Variants in CNOT10 observed in about 807,000 individuals in gnomAD.
The protein encoded by CNOT10 is CCR4-NOT transcription complex subunit 10.
A neutral mutation model predicts 94.6 loss-of-function variants in CNOT10; 30 were observed. The observed-to-expected ratio is 0.32, with a 90% CI of 0.24 to 0.43. The LOEUF (loss-of-function observed/expected upper bound fraction) is 0.43. CNOT10 is among the 20% of genes least tolerant of loss of function. The pLI is 1.00. For missense variants in CNOT10, 759 were observed against 877.2 expected (o/e 0.87, Z 1.70); for synonymous variants, 289 against 301.6 (o/e 0.96, Z 0.43).
intron 18 of CNOT10, among the ~76,000 whole-genome samples, chr3:32,770,317 ATTTTTTTTTTTTTTTTTT>A (rs57427218): frequency 2.2e-5 from 1 of 46,280 alleles, no homozygotes; most frequent in South Asian, 8.8e-4. Context: ...CAAGGCTGAG[ATTTTTTTTTTTTTTTTTT>A]TTTTTTTTGA....
chr3:32,690,539 T>C (rs111577021), intron 1 of CNOT10, among the ~76,000 whole-genome samples: 9,270 of 149,388 alleles, frequency 0.062, 327 homozygotes, highest in African/African-American at 0.094. Context: ...TGTGTACTAC[T>C]GTATCCAGAT....
At chr3:32,721,454 T>TTA (rs1553632721) in intron 8 of CNOT10, among the ~76,000 whole-genome samples, 1 of 144,614 alleles carries the variant, frequency 6.9e-6, no homozygotes, top group East Asian at 2.0e-4. Context: ...TTTTTTTTTT[T>TTA]AGTGAATTAC....
chr3:32,727,092 G>A (rs945368339), intron 9 of CNOT10, among the ~76,000 whole-genome samples: 33 of 151,874 alleles, frequency 2.2e-4, no homozygotes, highest in African/African-American at 8.0e-4. Context: ...TGATCTGCCC[G>A]CCTTGGCCTC....
rs759851156 is a variant in CNOT10, at chr3:32,734,915, G to A, written c.1453G>A (p.Ala485Thr). The A allele has an allele frequency of 6.2e-7, 1 of 1,614,066 alleles. No homozygotes were observed. The highest frequency in any genetic ancestry group is 2.2e-5 in the East Asian group (1 of 44,864). ...EQQDPKQENG[A>T]KNSNQLGGNT... ...GCAAGATCCAAAGCAGGAAAATGGG[G>A]CTAAAAATAGTAATCAATTAGGTGG... The change falls in exon 12 of 19, where the codon GCT (alanine) becomes ACT (threonine). Residue 485 changes from alanine to threonine, a missense_variant. Coordinates refer to ENST00000328834, the MANE Select transcript of CNOT10 (RefSeq NM_015442.3).
chr3:32,725,588 G>A lies in CNOT10; in HGVS notation c.1001G>A (p.Ser334Asn). ...GTCTGTGCACAGCTCAGTGCAGGTAGCACTGATCCAGGTAAGCCCAGTACT... is the reference window on the plus strand; with the variant it reads ...GTCTGTGCACAGCTCAGTGCAGGTAACACTGATCCAGGTAAGCCCAGTACT... ...DNVCAQLSAG[S>N]TDPGKKFSGR... is the part of the protein sequence containing the mutation. The change falls in exon 9 of 19, where the codon AGC becomes AAC. Residue 334 changes from serine (S) to asparagine (N), a missense_variant. Transcript: ENST00000328834. 1 of 1,612,020 alleles carries A rather than the reference G, an allele frequency of 6.2e-7. No homozygotes were observed. The highest frequency in any genetic ancestry group is 8.5e-7 in the Non-Finnish European group (1 of 1,179,260).
intron 8 of CNOT10, among the ~76,000 whole-genome samples, chr3:32,722,969 T>G (rs578154562): frequency 6.6e-6 from 1 of 152,248 alleles, no homozygotes; most frequent in Admixed American, 6.5e-5. Flanking sequence ...TTTAAAAATA[T>G]GTCAGAAGAT....
chr3:32,729,486 G>A (rs1698837691), intron 10 of CNOT10, among the ~76,000 whole-genome samples: 5 of 152,114 alleles, frequency 3.3e-5, no homozygotes, highest in Admixed American at 2.0e-4. Flanking sequence ...TACCTTGCAT[G>A]CCTACCATAG....
intron 13 of CNOT10, among the ~76,000 whole-genome samples, chr3:32,748,633 C>G (rs1480051719): frequency 6.6e-6 from 1 of 151,962 alleles, no homozygotes; most frequent in Non-Finnish European, 1.5e-5. Flanking sequence ...CTGCCTCAGC[C>G]TCCCGAGTAG....
At chr3:32,723,427 A>G (rs1698513384) in intron 8 of CNOT10, among the ~76,000 whole-genome samples, 2 of 152,156 alleles carry the variant, frequency 1.3e-5, no homozygotes, top group East Asian at 1.9e-4. Context: ...ATTAAAGCTT[A>G]GATTACTTTC....
chr3:32,764,551 T>G (rs1700584983), intron 16 of CNOT10, 61 bp downstream of exon 16: 1 of 1,605,440 alleles, frequency 6.2e-7, no homozygotes, highest in South Asian at 1.1e-5. Context: ...ATTTAGATTC[T>G]AAATCTTCTG....
chr3:32,716,207 T>C lies in CNOT10; in HGVS notation c.574-18T>C, dbSNP rs371789502. 5.6e-5 allele frequency: 75 copies of C among 1,347,092 alleles called. No individual in the cohort carries two copies. The Middle Eastern group carries it at 5.7e-4, about 10-fold the overall frequency. The allele number at this position is 1,347,092 out of a possible 1,614,324, so 83.4% of individuals were successfully genotyped here. On this transcript the variant is annotated intron_variant, in intron 5 of 18. Transcript: ENST00000328834. Reference sequence around the variant, plus strand: ...AAAAATATTTAATTTTGATAAACTTTGTTTCATCACCCTACAGACTGGTAA... The same window carrying C: ...AAAAATATTTAATTTTGATAAACTTCGTTTCATCACCCTACAGACTGGTAA...
At chr3:32,772,860 G>A (rs996066263) in intron 18 of CNOT10, among the ~76,000 whole-genome samples, 4 of 151,924 alleles carry the variant, frequency 2.6e-5, no homozygotes, top group African/African-American at 4.8e-5. Context: ...GCCCTAGATT[G>A]TTTCATTGTT....
intron 13 of CNOT10, among the ~76,000 whole-genome samples, chr3:32,741,240 G>A (rs1376946729): frequency 6.6e-6 from 1 of 152,116 alleles, no homozygotes; most frequent in African/African-American, 2.4e-5. Context: ...AGTTTGCTGA[G>A]TAAATCAATT....
At chr3:32,731,800 C>G (rs79490895) in intron 10 of CNOT10, among the ~76,000 whole-genome samples, 138 of 152,092 alleles carry the variant, frequency 9.1e-4, no homozygotes, top group African/African-American at 2.9e-3. Context: ...TAGATTTGGC[C>G]TAGAGCAGTG....
chr3:32,757,756 T>G (rs1016760261), intron 13 of CNOT10, among the ~76,000 whole-genome samples: 5 of 152,140 alleles, frequency 3.3e-5, no homozygotes, highest in African/African-American at 1.2e-4. Context: ...GGGTTCATTG[T>G]AGGGACTGTG....
chr3:32,694,568 G>GT (rs570573904), intron 1 of CNOT10, among the ~76,000 whole-genome samples: 58 of 152,100 alleles, frequency 3.8e-4, no homozygotes, highest in Middle Eastern at 3.4e-3. Flanking sequence ...TGCTGATATT[G>GT]TTTTTTCTTC....
In CNOT10 at chr3:32,761,828, A is replaced by G. The variant is rs569640121; in HGVS notation, c.1710-905A>G. Among the ~76,000 whole-genome samples, 106 of 148,192 alleles carry G rather than the reference A, an allele frequency of 7.2e-4. 1 individual carries two copies. The highest frequency in any genetic ancestry group is 2.5e-3 in the African/African-American group (100 of 40,136). On this transcript the variant is annotated intron_variant, in intron 14 of 18. Transcript: ENST00000328834. ...GCTCTTATTGCCCAGGCTGGAGTGC[A>G]ATGGCGTGATCTCGGCTCATCACAG...
rs192499586 is a variant in CNOT10 at position 32,688,943 on chromosome 3, C to T, written c.22+3461C>T. On this transcript the variant is annotated intron_variant, in intron 1 of 18. Coordinates refer to ENST00000328834, the MANE Select transcript of CNOT10 (RefSeq NM_015442.3). ...ATAAAAGGCCGGACGTGGTGGCTCA[C>T]GCCTGTAATCCCAGCACTTTGGGAG... is the stretch of plus-strand genomic sequence containing the variant. Among the ~76,000 whole-genome samples, 60 of 152,260 alleles carry T rather than the reference C, an allele frequency of 3.9e-4. 2 individuals carry two copies. Among genetic ancestry groups the T allele is most frequent in the Admixed American group, 2.9e-3 (45 of 15,288 alleles).
At chr3:32,749,657 G>A (rs915643695) in intron 13 of CNOT10, among the ~76,000 whole-genome samples, 4 of 152,014 alleles carry the variant, frequency 2.6e-5, no homozygotes, top group South Asian at 2.1e-4. Context: ...TGATCTGCCT[G>A]CCTCGGCCTC....
Sources: gnomAD v4.1 joint callset for allele counts (sites outside exome capture counted in the v4.1 genomes callset) on GRCh38, gnomAD v4.1.1 for gene constraint, MANE v1.5 for transcripts, NCBI Gene and HGNC (gene_info 2026-07-23, HGNC 2026-07-21) for gene names.